Variants in RBMS3 observed in about 807,000 individuals in gnomAD.
The protein encoded by RBMS3 is RNA-binding motif, single-stranded-interacting protein 3.
A neutral mutation model predicts 66.8 loss-of-function variants in RBMS3; 27 were observed. The observed-to-expected ratio is 0.40, with a 90% confidence interval of 0.30 to 0.56. RBMS3 has a LOEUF of 0.56. Among genes scored for constraint, RBMS3 ranks in the 20% least tolerant of loss-of-function variants. The pLI, the probability that RBMS3 is intolerant of heterozygous loss-of-function variation, is 0.40. For synonymous variants in RBMS3, 188 were observed against 183.0 expected (o/e 1.03, Z -0.22); for missense variants, 513 against 549.5 (o/e 0.93, Z 0.66).
chr3:29,771,858 G>T (rs1260474988), intron 6 of RBMS3, among the ~76,000 whole-genome samples: 1 of 151,954 alleles, frequency 6.6e-6, no homozygotes, highest in Non-Finnish European at 1.5e-5. Flanking sequence ...ACCAGATCTT[G>T]TGAGAACTCA....
intron 6 of RBMS3, among the ~76,000 whole-genome samples, chr3:29,771,088 GA>G (rs1193479997): frequency 6.6e-6 from 1 of 151,968 alleles, no homozygotes; most frequent in Non-Finnish European, 1.5e-5. Flanking sequence ...AAATGTGAAT[GA>G]AAACAGTAGG....
chr3:29,763,619 A>G (rs985480916), intron 6 of RBMS3, among the ~76,000 whole-genome samples: 2 of 152,088 alleles, frequency 1.3e-5, no homozygotes, highest in African/African-American at 4.8e-5. Flanking sequence ...AAGGTTTTAT[A>G]CACATTATAA....
chr3:29,618,753 A>G (rs900520881), intron 4 of RBMS3, among the ~76,000 whole-genome samples: 3 of 152,202 alleles, frequency 2.0e-5, no homozygotes, highest in African/African-American at 7.2e-5. Context: ...CTGATAACTC[A>G]ACAATTCTTT....
intron 1 of RBMS3, among the ~76,000 whole-genome samples, chr3:29,353,637 T>C (rs1281637313): frequency 6.6e-6 from 1 of 152,100 alleles, no homozygotes; most frequent in Non-Finnish European, 1.5e-5. Context: ...AATAGAGTTA[T>C]GTATTTTTTA....
intron 1 of RBMS3, among the ~76,000 whole-genome samples, chr3:29,400,199 A>C (rs1025722253): frequency 2.0e-5 from 3 of 152,178 alleles, no homozygotes; most frequent in Admixed American, 6.5e-5. Flanking sequence ...GTTAAATTCA[A>C]GGCATATTTA....
At chr3:29,647,729 T>A (rs2049981235) in intron 4 of RBMS3, among the ~76,000 whole-genome samples, 1 of 152,190 alleles carries the variant, frequency 6.6e-6, no homozygotes, top group African/African-American at 2.4e-5. Context: ...GGGGATTTCA[T>A]AGCACTCTGA....
At chr3:29,475,697 T>C (rs904907890) in intron 2 of RBMS3, among the ~76,000 whole-genome samples, 2 of 152,136 alleles carry the variant, frequency 1.3e-5, no homozygotes, top group Non-Finnish European at 2.9e-5. Context: ...ACGGGGTATC[T>C]CCTAAAGGAT....
intron 2 of RBMS3, among the ~76,000 whole-genome samples, chr3:29,447,540 C>A (rs905796952): frequency 4.6e-5 from 7 of 152,138 alleles, no homozygotes; most frequent in Admixed American, 4.6e-4. Context: ...GTTTCTCTTT[C>A]TACGAAGTGG....
At chr3:29,977,362 G>A (rs144226915) in intron 12 of RBMS3, among the ~76,000 whole-genome samples, 1,675 of 152,108 alleles carry the variant, frequency 0.011, 15 homozygotes, top group African/African-American at 0.019. Flanking sequence ...AAATATGTTT[G>A]TTTTGTTTTG....
At chr3:29,463,483 C>G (rs1031095771) in intron 2 of RBMS3, among the ~76,000 whole-genome samples, 9 of 152,208 alleles carry the variant, frequency 5.9e-5, no homozygotes, top group South Asian at 4.2e-4. Flanking sequence ...GGCATAGAAT[C>G]TCGCCATTGC....
At chr3:29,465,685 G>A (rs1016310425) in intron 2 of RBMS3, among the ~76,000 whole-genome samples, 1 of 151,910 alleles carries the variant, frequency 6.6e-6, no homozygotes, top group Non-Finnish European at 1.5e-5. Flanking sequence ...CCTAAAAAAT[G>A]TGTTTTCAAA....
intron 6 of RBMS3, among the ~76,000 whole-genome samples, chr3:29,801,273 T>TTTTTTTC (rs777378854): frequency 5.3e-5 from 2 of 37,884 alleles, no homozygotes; most frequent in Non-Finnish European, 7.4e-5. Flanking sequence ...GCTTTTTTTC[T>TTTTTTTC]TTTTTTTTTT....
intron 5 of RBMS3, among the ~76,000 whole-genome samples, chr3:29,752,853 A>C (rs1316539787): frequency 6.6e-6 from 1 of 152,198 alleles, no homozygotes; most frequent in Non-Finnish European, 1.5e-5. Flanking sequence ...ACTGAGACAA[A>C]GAAGGGCATA....
chr3:29,646,892 A>G (rs1429564531), intron 4 of RBMS3, among the ~76,000 whole-genome samples: 1 of 152,180 alleles, frequency 6.6e-6, no homozygotes, highest in African/African-American at 2.4e-5. Context: ...GCTATCTTGC[A>G]TATGTATCTT....
chr3:29,643,811 A>G (rs150906427), intron 4 of RBMS3, among the ~76,000 whole-genome samples: 1 of 152,290 alleles, frequency 6.6e-6, no homozygotes, highest in Non-Finnish European at 1.5e-5. Flanking sequence ...TGTAGGTAAT[A>G]TTGATCTCGT....
intron 2 of RBMS3, among the ~76,000 whole-genome samples, chr3:29,476,996 T>C (rs1310486544): frequency 6.6e-6 from 1 of 152,200 alleles, no homozygotes; most frequent in Non-Finnish European, 1.5e-5. Context: ...TAGGTACTTA[T>C]TCATAGTAAT....
At chr3:29,588,163 A>T (rs1027235428) in intron 4 of RBMS3, among the ~76,000 whole-genome samples, 2 of 152,058 alleles carry the variant, frequency 1.3e-5, no homozygotes, top group Non-Finnish European at 2.9e-5. Flanking sequence ...TATAACATGG[A>T]TGCTTATTAG....
intron 6 of RBMS3, among the ~76,000 whole-genome samples, chr3:29,791,340 A>G: frequency 6.6e-6 from 1 of 152,330 alleles, no homozygotes; most frequent in African/African-American, 2.4e-5. Context: ...CAATGAAAGT[A>G]ACTGACCAAA....
rs181279172 is a variant in RBMS3 at position 29,449,250 on chromosome 3, T to G, written c.248+14335T>G. 1.6e-3 allele frequency among the ~76,000 whole-genome samples: 251 copies of G among 152,324 alleles called. 4 individuals carry two copies. Among genetic ancestry groups the G allele is most frequent in the African/African-American group, 5.8e-3 (242 of 41,558 alleles). On this transcript the variant is annotated intron_variant, in intron 2 of 14. Coordinates refer to ENST00000383767, the MANE Select transcript of RBMS3 (RefSeq NM_001003793.3). ...GTGTAGTACCTTGCGTAGCAGCTAC[T>G]TAAGAAATAGTGTTATGTCTAGTTT...
Sources: gnomAD v4.1 joint callset for allele counts (sites outside exome capture counted in the v4.1 genomes callset) on GRCh38, gnomAD v4.1.1 for gene constraint, MANE v1.5 for transcripts, NCBI Gene and HGNC (gene_info 2026-07-23, HGNC 2026-07-21) for gene names.